The following CPZ variants were observed in gnomAD, a reference collection of about 807,000 sequenced individuals.
CPZ encodes VEZT/CPZ fusion.
In CPZ, 103 loss-of-function variants were observed where a neutral mutation model predicts 61.8. That is an observed-to-expected ratio of 1.67 (90% CI 1.42 to 1.96). CPZ has a LOEUF of 1.96. Ranked by LOEUF, CPZ falls within the 30% of genes most tolerant of loss-of-function variation. The pLI, the probability that CPZ is intolerant of heterozygous loss-of-function variation, is 0.00. For missense variants in CPZ, 1,461 were observed against 914.9 expected, an observed-to-expected ratio of 1.60 and a Z score of -7.70; for synonymous variants, 551 against 373.7, an observed-to-expected ratio of 1.47 and a Z score of -5.47.
chr4:8,617,279 T>C (rs900342260), intron 9 of CPZ, among the ~76,000 whole-genome samples: 21 of 152,190 alleles, frequency 1.4e-4, no homozygotes, highest in Non-Finnish European at 3.1e-4. Flanking sequence ...CTGAGGAAAC[T>C]GAGGCACCCA....
Position 8,601,314 on chromosome 4 carries a change from C to T in CPZ, c.313C>T (p.Leu105=), listed in dbSNP as rs1432385599. ...CCTGCGGCTGCTGGGCTGTGCTGTG[C>T]TGGCCCCCCGGTGTGAGGGCGGCTG... is the stretch of plus-strand genomic sequence containing the variant. ...PDLRLLGCAV[L]APRCEGGWVR... is the part of the protein sequence containing the mutation. Residue 105 remains leucine, a synonymous_variant, in exon 3 of 11, where the codon CTG becomes TTG. Coordinates refer to ENST00000360986, the MANE Select transcript of CPZ (RefSeq NM_001014447.3). The T allele has an allele frequency of 2.5e-6, 4 of 1,610,702 alleles. No individual in the cohort carries two copies. The highest frequency in any genetic ancestry group is 3.3e-5 in the Admixed American group (2 of 59,904).
intron 1 of CPZ, among the ~76,000 whole-genome samples, chr4:8,596,570 C>T (rs1279555308): frequency 6.6e-6 from 1 of 152,224 alleles, no homozygotes; most frequent in East Asian, 1.9e-4. Context: ...CCCCAAGACT[C>T]TGTGTGTTGA....
chr4:8,619,356 C>T lies in CPZ; in HGVS notation c.1698C>T (p.Ile566=), dbSNP rs1200205533. The part of the protein sequence containing the change: ...PGYAKVIKKV[I]IPARMKRAGR... ...ACGCCAAAGTCATCAAGAAAGTCAT[C>T]ATCCCCGCCCGGATGAAGAGGGCTG... The change falls in exon 11 of 11, where the codon ATC becomes ATT. Residue 566 remains isoleucine (I), a synonymous_variant. Transcript: ENST00000360986. 1.2e-6 allele frequency: 2 copies of T among 1,614,094 alleles called. No individual in the cohort carries two copies. The highest frequency in any genetic ancestry group is 2.2e-5 in the East Asian group (1 of 44,894).
intron 2 of CPZ, 85 bp from the exon 3 acceptor site, chr4:8,601,038 G>C (rs1191219132): frequency 1.4e-6 from 2 of 1,472,750 alleles, no homozygotes; most frequent in East Asian, 4.8e-5. Context: ...CCCTGGCCCT[G>C]CGTGGGGTCC....
rs920099271 is a variant in CPZ at position 8,592,812 on chromosome 4, G to C, written c.-22G>C. On this transcript the variant is annotated 5_prime_UTR_variant, in exon 1 of 11. Transcript: ENST00000360986. ...CGAGTGCCACATCACTGCGCTGGCCGTCCAAGGTCCGCCGCCCCACCATGC... is the reference window on the plus strand; with the variant it reads ...CGAGTGCCACATCACTGCGCTGGCCCTCCAAGGTCCGCCGCCCCACCATGC... 2.8e-6 allele frequency: 4 copies of C among 1,433,416 alleles called. No individual in the cohort carries two copies. The highest frequency in any genetic ancestry group is 5.4e-5 in the Admixed American group (2 of 37,028). The allele number at this position is 1,433,416 out of a possible 1,614,324, so 88.8% of individuals were successfully genotyped here.
chr4:8,604,155 G>A lies in CPZ; in HGVS notation c.676G>A (p.Glu226Lys), dbSNP rs768161526. The A allele has an allele frequency of 3.0e-5, 47 of 1,578,944 alleles. No individual in the cohort carries two copies. Among genetic ancestry groups the A allele is most frequent in the African/African-American group, 5.4e-5 (4 of 74,102 alleles). ...CGACGGCAGGGAGCTGCTGGTCATCGAGTTCTCCAGCCGCCCCGGCCAGCA... is the reference window on the plus strand; with the variant it reads ...CGACGGCAGGGAGCTGCTGGTCATCAAGTTCTCCAGCCGCCCCGGCCAGCA... ...SFDGRELLVIEFSSRPGQHEL... is the reference protein window; with the variant it reads ...SFDGRELLVIKFSSRPGQHEL... The change falls in exon 4 of 11, where the codon GAG becomes AAG. Residue 226 changes from glutamate to lysine, a missense_variant. Physicochemically the swap from Glu to Lys is moderately conservative, Grantham distance 56. Coordinates refer to ENST00000360986, the MANE Select transcript of CPZ (RefSeq NM_001014447.3).
At chr4:8,595,346 G>A (rs1029471645) in intron 1 of CPZ, among the ~76,000 whole-genome samples, 2 of 152,206 alleles carry the variant, frequency 1.3e-5, no homozygotes, top group African/African-American at 4.8e-5. Context: ...AGGGGGATCC[G>A]GGGATGTCTG....
chr4:8,609,164 TCA>T (rs1577120057), intron 7 of CPZ, among the ~76,000 whole-genome samples: 5 of 56,010 alleles, frequency 8.9e-5, no homozygotes, highest in East Asian at 4.8e-4. Context: ...CCTCACTCAT[TCA>T]CTCACCCATT....
chr4:8,606,949 C>G lies in CPZ; in HGVS notation c.1068+51C>G, dbSNP rs554963321. The G allele has an allele frequency of 3.3e-4, 513 of 1,531,346 alleles. 7 individuals are homozygous for G. In the South Asian group the frequency reaches 5.8e-3, roughly 17 times the overall value. 94.9% of individuals were successfully genotyped at this position (1,531,346 alleles called of 1,614,324 possible). A position where few individuals can be genotyped will look rare whatever the true frequency, so the allele number is the denominator to read the frequency against. ...GTCTCCACCAAGGCATCCAGGGGTC[C>G]CTAGTTATTCCAGGCTCTCTGGAGT... On this transcript the variant is annotated intron_variant, in intron 6 of 10. Coordinates refer to ENST00000360986, the MANE Select transcript of CPZ (RefSeq NM_001014447.3).
intron 9 of CPZ, among the ~76,000 whole-genome samples, chr4:8,617,707 C>T (rs571283607): frequency 3.9e-5 from 6 of 152,288 alleles, no homozygotes; most frequent in African/African-American, 1.4e-4. Flanking sequence ...ACTCCTCTCC[C>T]CACAGGCATC....
intron 7 of CPZ, 145 bp from the exon 8 acceptor site, chr4:8,611,882 T>C: frequency 3.4e-6 from 4 of 1,166,482 alleles, no homozygotes; most frequent in Non-Finnish European, 4.8e-6. Flanking sequence ...AGGACACCGT[T>C]CCCCTCTCCT....
At chr4:8,601,579 G>C in intron 3 of CPZ, 82 bp downstream of exon 3, 1 of 1,361,176 alleles carries the variant, frequency 7.3e-7, no homozygotes, top group Non-Finnish European at 9.6e-7. Flanking sequence ...GAAGGAACTT[G>C]AGGGCTTTTC....
intron 3 of CPZ, chr4:8,602,881 G>T (rs1422037067): frequency 5.9e-5 from 9 of 152,324 alleles, no homozygotes; most frequent in African/African-American, 2.2e-4. Flanking sequence ...GTGGACCCTG[G>T]GCTCCCATGC....
chr4:8,602,561 C>G (rs568904127), intron 3 of CPZ: 1 of 152,296 alleles, frequency 6.6e-6, no homozygotes, highest in Non-Finnish European at 1.5e-5. Flanking sequence ...TGCTAGCTCA[C>G]GCGAGTCTCA....
Position 8,601,214 on chromosome 4 carries a change from G to A in CPZ, c.213G>A (p.Glu71=), listed in dbSNP as rs755855181. Residue 71 remains glutamate, a synonymous_variant, in exon 3 of 11, where the codon GAG becomes GAA. Transcript: ENST00000360986. ...FPNLLQHRSW[E]VVEASSEYIL... ...ACCTGCTTCAGCACCGGTCGTGGGA[G>A]GTGGTGGAGGCCAGCTCCGAGTACA... 6.2e-7 allele frequency: 1 copy of A among 1,613,404 alleles called. No homozygotes were observed. Among genetic ancestry groups the A allele is most frequent in the South Asian group, 1.1e-5 (1 of 91,078 alleles).
intron 7 of CPZ, among the ~76,000 whole-genome samples, chr4:8,607,709 G>A (rs1195864425): frequency 6.6e-6 from 1 of 152,176 alleles, no homozygotes; most frequent in East Asian, 1.9e-4. Context: ...CCCTGCCTCA[G>A]CGCTGCTGTT....
At position 8,614,463 on chromosome 4, in the gene CPZ, C is replaced by G; in HGVS notation, c.1468C>G (p.His490Asp). 1 of 1,613,892 alleles carries G rather than the reference C, an allele frequency of 6.2e-7. No individual in the cohort carries two copies. Among genetic ancestry groups the G allele is most frequent in the African/African-American group, 1.3e-5 (1 of 75,048 alleles). ...GGAGGCCCTGTACATACTCTGGCAG[C>G]ACAACAAGGAGTCACTCCTGAATTT... ...PEEALYILWQ[H>D]NKESLLNFVE... Residue 490 changes from histidine to aspartate, a missense_variant, in exon 9 of 11, where the codon CAC becomes GAC. By Grantham distance (81) the His-to-Asp change is moderately conservative (BLOSUM62 -1). Coordinates refer to ENST00000360986, the MANE Select transcript of CPZ (RefSeq NM_001014447.3).
intron 4 of CPZ, among the ~76,000 whole-genome samples, chr4:8,605,033 C>T (rs1010197972): frequency 9.9e-5 from 15 of 152,242 alleles, no homozygotes; most frequent in Non-Finnish European, 1.8e-4. Context: ...GCTCTCCCTA[C>T]AGCACTGGAA....
chr4:8,611,364 C>T (rs903158998), intron 7 of CPZ: 1 of 437,558 alleles, frequency 2.3e-6, no homozygotes, highest in Non-Finnish European at 4.7e-6. Flanking sequence ...AAGCTCTGGG[C>T]TGGGAAGGGA....
Sources: gnomAD v4.1 joint callset for allele counts (sites outside exome capture counted in the v4.1 genomes callset) on GRCh38, gnomAD v4.1.1 for gene constraint, MANE v1.5 for transcripts, NCBI Gene and HGNC (gene_info 2026-07-23, HGNC 2026-07-21) for gene names.